Variants in SLC7A7 observed in about 807,000 individuals in gnomAD.
SLC7A7 encodes the protein solute carrier family 7 member 7.
In SLC7A7, 39 loss-of-function variants were observed where a neutral mutation model predicts 47.9. That is an observed-to-expected ratio of 0.81 (90% CI 0.63 to 1.06). The LOEUF (loss-of-function observed/expected upper bound fraction) is 1.06, where lower values mean the gene tolerates loss of function less well. SLC7A7 is among the 50% of genes least tolerant of loss of function. The probability of loss-of-function intolerance (pLI) is 0.00; values close to 1 mark genes in which losing one functional copy is unlikely to be tolerated. For synonymous variants in SLC7A7, 234 were observed against 242.8 expected, an observed-to-expected ratio of 0.96 and a Z score of 0.34; for missense variants, 588 against 632.0, an observed-to-expected ratio of 0.93 and a Z score of 0.75.
chr14:22,774,165 C>T (rs374183950), intron 8 of SLC7A7, 49 bp from the exon 9 acceptor site: 12 of 1,608,120 alleles, frequency 7.5e-6, no homozygotes, highest in African/African-American at 1.3e-5. Context: ...GGATTCTTAA[C>T]AGCTAAAATA....
In SLC7A7 at chr14:22,774,250, A is replaced by G. The variant is rs1169105931; in HGVS notation, c.1245+104T>C. On this transcript the variant is annotated intron_variant, in intron 8 of 9. Transcript: ENST00000674313. Reference sequence around the variant, plus strand: ...TAATTTCAACACATTACTAACGACCAAGTCCCAGGCAAAGGTTTCTAAATA... The same window carrying G: ...TAATTTCAACACATTACTAACGACCGAGTCCCAGGCAAAGGTTTCTAAATA... 8 of 1,600,056 alleles carry G rather than the reference A, an allele frequency of 5.0e-6. No homozygotes were observed. In the Admixed American group the frequency reaches 1.3e-4, roughly 27 times the overall value.
chr14:22,788,460 G>T (rs554677452), intron 2 of SLC7A7, among the ~76,000 whole-genome samples: 15 of 152,040 alleles, frequency 9.9e-5, no homozygotes, highest in South Asian at 2.1e-4. Context: ...ATCCTAGCAC[G>T]TTGGGAGGCC....
At chr14:22,805,615 G>A (rs1302629747) in intron 2 of SLC7A7, among the ~76,000 whole-genome samples, 1 of 152,058 alleles carries the variant, frequency 6.6e-6, no homozygotes, top group Non-Finnish European at 1.5e-5. Context: ...GGGGCCTGTC[G>A]GTAGAGGTTG....
intron 9 of SLC7A7, 40 bp downstream of exon 9, chr14:22,773,893 C>G: frequency 6.2e-7 from 1 of 1,612,610 alleles, no homozygotes; most frequent in Non-Finnish European, 8.5e-7. Flanking sequence ...AAAAACCAAG[C>G]TCTGCAATAG....
rs1461869428 is a variant in SLC7A7, at chr14:22,778,721, G to A, written c.770+72C>T. 10 of 1,540,274 alleles carry A rather than the reference G, an allele frequency of 6.5e-6. No individual in the cohort carries two copies. In the Middle Eastern group the frequency reaches 5.6e-4, roughly 86 times the overall value. ...AACCTCATAGTGGTTGTGGTATGCT[G>A]TCTGGCACGTAGTAGGAGCTCATTA... On this transcript the variant is annotated intron_variant, in intron 4 of 9. Coordinates refer to ENST00000674313, the MANE Select transcript of SLC7A7 (RefSeq NM_003982.4).
At position 22,773,443 on chromosome 14, in the gene SLC7A7, C is replaced by T. The variant is rs1566438031; in HGVS notation, c.*167G>A. ...AAGTCTGGAACAGTATGTAGCAAAA[C>T]AAATAAATTACTTTTCATTTCAAAA... On this transcript the variant is annotated 3_prime_UTR_variant, in exon 10 of 10. Coordinates refer to ENST00000674313, the MANE Select transcript of SLC7A7 (RefSeq NM_003982.4). The T allele has an allele frequency of 2.8e-6, 2 of 711,986 alleles. No individual in the cohort carries two copies. Among genetic ancestry groups the T allele is most frequent in the South Asian group, 3.0e-5 (2 of 66,862 alleles). 44.1% of individuals were successfully genotyped at this position (711,986 alleles called of 1,614,324 possible). A position where few individuals can be genotyped will look rare whatever the true frequency, so the allele number is the denominator to read the frequency against.
At chr14:22,794,174 C>T (rs1427068057) in intron 2 of SLC7A7, among the ~76,000 whole-genome samples, 4 of 152,218 alleles carry the variant, frequency 2.6e-5, no homozygotes, top group African/African-American at 9.7e-5. Context: ...CCCGCACAGC[C>T]GGCTCTGTGT....
chr14:22,808,176 AAG>A (rs2039244955), intron 2 of SLC7A7, among the ~76,000 whole-genome samples: 1 of 151,894 alleles, frequency 6.6e-6, no homozygotes, highest in South Asian at 2.1e-4. Context: ...AAAAAAAAAA[AAG>A]AAGTTGCCCC....
At chr14:22,808,798 T>C (rs994478394) in intron 2 of SLC7A7, among the ~76,000 whole-genome samples, 3 of 152,174 alleles carry the variant, frequency 2.0e-5, no homozygotes, top group Non-Finnish European at 4.4e-5. Flanking sequence ...AGTCCAGATA[T>C]TATCTATGCA....
chr14:22,774,454 A>G lies in SLC7A7; in HGVS notation c.1145T>C (p.Ile382Thr). 1 of 1,614,140 alleles carries G rather than the reference A, an allele frequency of 6.2e-7. No individual in the cohort carries two copies. Among genetic ancestry groups the G allele is most frequent in the South Asian group, 1.1e-5 (1 of 91,076 alleles). Residue 382 changes from isoleucine to threonine, a missense_variant, in exon 8 of 10, where the codon ATT becomes ACT. Coordinates refer to ENST00000674313, the MANE Select transcript of SLC7A7 (RefSeq NM_003982.4). ...YLCVEDIFQL[I>T]NYYSFSYWFF... ...CCAGTAGCTGAAGCTGTAGTAGTTA[A>G]TGAGCTGGAAGATGTCTTCCACGCA...
chr14:22,794,542 T>G (rs551764480), intron 2 of SLC7A7, among the ~76,000 whole-genome samples: 1 of 152,218 alleles, frequency 6.6e-6, no homozygotes, highest in East Asian at 1.9e-4. Context: ...TGAGCATCAG[T>G]ACCACCTGAG....
chr14:22,802,890 T>G (rs1433762365), intron 2 of SLC7A7, among the ~76,000 whole-genome samples: 23 of 151,702 alleles, frequency 1.5e-4, no homozygotes, highest in Non-Finnish European at 5.9e-5. Flanking sequence ...CAATCCCCCA[T>G]GCACCCCCAC....
upstream of SLC7A7, chr14:22,816,586 G>A (rs867379882): frequency 1.3e-5 from 2 of 152,152 alleles, no homozygotes; most frequent in African/African-American, 4.8e-5. Context: ...AGAACAGGCA[G>A]AGGAAGCTGA....
At chr14:22,815,205 A>T (rs1477501244) in intron 1 of SLC7A7, 115 bp downstream of exon 1, 1 of 369,630 alleles carries the variant, frequency 2.7e-6, no homozygotes, top group Non-Finnish European at 5.4e-6. Context: ...CAAGCAATGG[A>T]GAGATGTTAG....
In SLC7A7 at chr14:22,813,086, C is replaced by T. The variant is rs775943127; in HGVS notation, c.313G>A (p.Ala105Thr). ...TTIKKSGASY[A>T]YILEAFGGFL... is the part of the protein sequence containing the mutation. ...CCTCCAAAGGCCTCCAGGATATAGG[C>T]ATAGCTGGCCCCAGATTTCTTAATG... The change falls in exon 2 of 10, where the codon GCC becomes ACC. Residue 105 changes from alanine (A) to threonine (T), a missense_variant. Transcript: ENST00000674313. 3 of 1,614,058 alleles carry T rather than the reference C, an allele frequency of 1.9e-6. No individual in the cohort carries two copies. Among genetic ancestry groups the T allele is most frequent in the Admixed American group, 1.7e-5 (1 of 59,996 alleles).
chr14:22,779,011 C>T, intron 3 of SLC7A7, 74 bp from the exon 4 acceptor site: 1 of 1,583,440 alleles, frequency 6.3e-7, no homozygotes, highest in Non-Finnish European at 8.6e-7. Context: ...AAGTAAAGGA[C>T]TGACAGAATA....
In SLC7A7 at chr14:22,773,611, T is replaced by C. The variant is rs777446088; in HGVS notation, c.1535A>G (p.Ter512=). Residue 512 remains the stop codon, a stop_retained_variant, in exon 10 of 10, where the codon TAA becomes TGA. Coordinates refer to ENST00000674313, the MANE Select transcript of SLC7A7 (RefSeq NM_003982.4). ...MPKQRDPKSN[*] is the part of the protein sequence containing the mutation. ...CCACATCAGGATTCCAGATGGTGTT[T>C]AGTTAGATTTGGGATCCCGTTGCTT... 7 of 1,612,072 alleles carry C rather than the reference T, an allele frequency of 4.3e-6. No homozygotes were observed. The highest frequency in any genetic ancestry group is 5.9e-6 in the Non-Finnish European group (7 of 1,178,060).
At chr14:22,787,760 A>C (rs975443713) in intron 2 of SLC7A7, among the ~76,000 whole-genome samples, 4 of 150,804 alleles carry the variant, frequency 2.7e-5, no homozygotes, top group Non-Finnish European at 4.4e-5. Context: ...TGTCTCAAAA[A>C]AAATTTTTTT....
intron 4 of SLC7A7, among the ~76,000 whole-genome samples, chr14:22,776,585 C>T (rs550250687): frequency 6.6e-6 from 1 of 152,274 alleles, no homozygotes; most frequent in East Asian, 1.9e-4. Context: ...GTAGTACTAA[C>T]ACTTTGGGAG....
Sources: allele counts gnomAD v4.1 joint callset (sites outside exome capture counted in the v4.1 genomes callset), GRCh38; gene constraint gnomAD v4.1.1; transcripts MANE v1.5; gene names NCBI Gene and HGNC (gene_info 2026-07-23, HGNC 2026-07-21).